The following PHF3 variants were observed in gnomAD, a reference collection of about 807,000 sequenced individuals.
The protein encoded by PHF3 is PHD finger protein 3.
Under a neutral mutation model 178.4 loss-of-function variants are expected in PHF3, and 41 were observed. The ratio of observed to expected loss-of-function variants is 0.23; its 90% CI spans 0.18 to 0.30. PHF3 has a LOEUF of 0.30. Ranked by LOEUF, PHF3 falls within the 10% of genes least tolerant of loss-of-function variation. PHF3 has a pLI of 1.00. For synonymous variants in PHF3, 842 were observed against 800.5 expected, an observed-to-expected ratio of 1.05 and a Z score of -0.88; for missense variants, 2,346 against 2,398.1, an observed-to-expected ratio of 0.98 and a Z score of 0.45.
At position 63,668,865 on chromosome 6, in the gene PHF3, T is replaced by A. The variant is rs193201487; in HGVS notation, c.245-11135T>A. Among the ~76,000 whole-genome samples the A allele has an allele frequency of 2.5e-3, 377 of 152,322 alleles. 1 individual carries two copies. The highest frequency in any genetic ancestry group is 7.7e-3 in the East Asian group (40 of 5,194). On this transcript the variant is annotated intron_variant, in intron 2 of 15. Coordinates refer to ENST00000262043, the MANE Select transcript of PHF3 (RefSeq NM_001370348.2). ...TGATTTTTTTTCATTCTGCGATTTT[T>A]AATTTTGGCCTTAGGACCATATTTT... is the stretch of plus-strand genomic sequence containing the variant.
At chr6:63,673,052 A>G (rs1375446509) in intron 2 of PHF3, among the ~76,000 whole-genome samples, 1 of 150,066 alleles carries the variant, frequency 6.7e-6, no homozygotes, top group South Asian at 2.1e-4. Flanking sequence ...AGCTCCTTCA[A>G]ATTTATTTCT....
intron 2 of PHF3, among the ~76,000 whole-genome samples, chr6:63,669,655 A>G (rs1235626531): frequency 6.6e-6 from 1 of 152,184 alleles, no homozygotes; most frequent in Non-Finnish European, 1.5e-5. Context: ...GAGGGTTTCT[A>G]TATACTTGAT....
In PHF3 at chr6:63,711,156, T is replaced by A. The variant is rs377068060; in HGVS notation, c.3802-11T>A. The A allele has an allele frequency of 8.3e-6, 13 of 1,568,436 alleles. No homozygotes were observed. The highest frequency in any genetic ancestry group is 1.1e-5 in the Non-Finnish European group (13 of 1,156,966). ...TTACCTTAAACAATTATTTGTTATT[T>A]TCTTGAACAGGAAATTTGTGTGGTT... On this transcript the variant is annotated splice_polypyrimidine_tract_variant and intron_variant, in intron 14 of 15. Coordinates refer to ENST00000262043, the MANE Select transcript of PHF3 (RefSeq NM_001370348.2).
chr6:63,676,158 G>T (rs905390351), intron 2 of PHF3, among the ~76,000 whole-genome samples: 1 of 152,054 alleles, frequency 6.6e-6, no homozygotes, highest in African/African-American at 2.4e-5. Context: ...ACTCATCAAG[G>T]CTTAAGTTCT....
At chr6:63,653,181 TG>T (rs1350204641) in intron 2 of PHF3, among the ~76,000 whole-genome samples, 17 of 151,420 alleles carry the variant, frequency 1.1e-4, no homozygotes, top group Admixed American at 2.6e-4. Flanking sequence ...TTCTGTGTAT[TG>T]TTTTTTTTGT....
At chr6:63,636,269 C>T (rs1764327347) in intron 1 of PHF3, 119 bp downstream of exon 1, 1 of 259,774 alleles carries the variant, frequency 3.8e-6, no homozygotes, top group Non-Finnish European at 7.3e-6. Flanking sequence ...ACTCTCCGCG[C>T]TTTTCTCCCG....
intron 2 of PHF3, among the ~76,000 whole-genome samples, chr6:63,679,189 A>G (rs1766316257): frequency 6.6e-6 from 1 of 151,982 alleles, no homozygotes; most frequent in Admixed American, 6.6e-5. Context: ...ATTTCATACA[A>G]CTGCACATTT....
At chr6:63,654,002 T>A (rs1765127620) in intron 2 of PHF3, among the ~76,000 whole-genome samples, 1 of 152,216 alleles carries the variant, frequency 6.6e-6, no homozygotes, top group African/African-American at 2.4e-5. Flanking sequence ...TGGTGAGTGA[T>A]CTTTTTAATG....
rs535331925 is a variant in PHF3 at position 63,679,828 on chromosome 6, G to C, written c.245-172G>C. Reference sequence around the variant, plus strand: ...AGGTGGAAGTTTATAAAACTGACTTGATTTGGGAGTTTGGTAGTGGCAATT... The same window carrying C: ...AGGTGGAAGTTTATAAAACTGACTTCATTTGGGAGTTTGGTAGTGGCAATT... On this transcript the variant is annotated intron_variant, in intron 2 of 15. Transcript: ENST00000262043. 5.1e-4 allele frequency: 339 copies of C among 662,416 alleles called. 3 individuals are homozygous for C. Among genetic ancestry groups the C allele is most frequent in the South Asian group, 4.9e-3 (328 of 66,466 alleles). 41.0% of individuals were successfully genotyped at this position (662,416 alleles called of 1,614,324 possible). A position where few individuals can be genotyped will look rare whatever the true frequency, so the allele number is the denominator to read the frequency against.
chr6:63,645,897 T>G (rs1293389609), intron 1 of PHF3, among the ~76,000 whole-genome samples: 6 of 152,112 alleles, frequency 3.9e-5, no homozygotes, highest in Non-Finnish European at 8.8e-5. Context: ...AAAGGTGTGT[T>G]TGTGCACATC....
chr6:63,650,676 G>C (rs1188236462), intron 2 of PHF3, among the ~76,000 whole-genome samples: 1 of 152,192 alleles, frequency 6.6e-6, no homozygotes, highest in Non-Finnish European at 1.5e-5. Context: ...CTAGTTTGAG[G>C]CTCCTTTATC....
rs535360255 is a variant in PHF3, at chr6:63,723,568, T to C, written c.*9860T>C. Reference sequence around the variant, plus strand: ...AAAGCTGAAGCTGTGATCTATACTATCACTGGTCATGTTGCCAACCAGAAG... The same window carrying C: ...AAAGCTGAAGCTGTGATCTATACTACCACTGGTCATGTTGCCAACCAGAAG... On this transcript the variant is annotated 3_prime_UTR_variant, in exon 16 of 16. Transcript: ENST00000262043. Among the ~76,000 whole-genome samples, 1 of 152,194 alleles carries C rather than the reference T, an allele frequency of 6.6e-6. No homozygotes were observed. Among genetic ancestry groups the C allele is most frequent in the South Asian group, 2.1e-4 (1 of 4,820 alleles).
At chr6:63,659,259 C>T (rs1428712123) in intron 2 of PHF3, among the ~76,000 whole-genome samples, 1 of 152,030 alleles carries the variant, frequency 6.6e-6, no homozygotes, top group Admixed American at 6.5e-5. Context: ...ATATTATTGT[C>T]AACTAAATAA....
chr6:63,649,305 A>G (rs1254648295), intron 2 of PHF3, among the ~76,000 whole-genome samples: 2 of 152,288 alleles, frequency 1.3e-5, no homozygotes, highest in Admixed American at 6.5e-5. Context: ...TCAGCTATTT[A>G]TAAATAACTT....
At chr6:63,645,081 G>A (rs543125364) in intron 1 of PHF3, among the ~76,000 whole-genome samples, 3 of 151,688 alleles carry the variant, frequency 2.0e-5, no homozygotes, top group Non-Finnish European at 4.4e-5. Context: ...ACGGGGTTTC[G>A]CCTTGTTGCC....
chr6:63,655,734 G>A (rs548452407), intron 2 of PHF3, among the ~76,000 whole-genome samples: 7 of 152,146 alleles, frequency 4.6e-5, no homozygotes, highest in Admixed American at 6.5e-5. Context: ...CTCTCAGTTC[G>A]GTTTGTTTCT....
chr6:63,652,976 C>T (rs1204386034), intron 2 of PHF3, among the ~76,000 whole-genome samples: 1 of 143,926 alleles, frequency 6.9e-6, no homozygotes, highest in Non-Finnish European at 1.5e-5. Flanking sequence ...ATAACTCCAG[C>T]TTTATTATTA....
intron 2 of PHF3, among the ~76,000 whole-genome samples, chr6:63,660,371 A>C (rs1032361139): frequency 1.3e-5 from 2 of 151,910 alleles, no homozygotes; most frequent in Admixed American, 6.6e-5. Context: ...CTCTAACTTC[A>C]TACTCATTTT....
chr6:63,708,059 G>C lies in PHF3; in HGVS notation c.3712-1092G>C, dbSNP rs144032545. Among the ~76,000 whole-genome samples, 818 of 152,060 alleles carry C rather than the reference G, an allele frequency of 5.4e-3. 5 individuals carry two copies. Among genetic ancestry groups the C allele is most frequent in the Non-Finnish European group, 9.6e-3 (654 of 67,962 alleles). ...TTTTTGTATTTTTAGTAGAAACGGG[G>C]CTTCACCATGTTAGCCAGGCCGGTT... On this transcript the variant is annotated intron_variant, in intron 13 of 15. Coordinates refer to ENST00000262043, the MANE Select transcript of PHF3 (RefSeq NM_001370348.2).
Sources: allele counts gnomAD v4.1 joint callset (sites outside exome capture counted in the v4.1 genomes callset), GRCh38; gene constraint gnomAD v4.1.1; transcripts MANE v1.5; gene names NCBI Gene and HGNC (gene_info 2026-07-23, HGNC 2026-07-21).